ZFR: variants seen among roughly 807,000 people sequenced by gnomAD.
ZFR encodes the protein zinc finger RNA-binding protein.
A neutral mutation model predicts 130.7 loss-of-function variants in ZFR; 19 were observed. The observed-to-expected ratio is 0.15, with a 90% confidence interval of 0.10 to 0.21. ZFR has a LOEUF of 0.21. Ranked by LOEUF, ZFR falls within the 10% of genes least tolerant of loss-of-function variation. The probability of loss-of-function intolerance (pLI) is 1.00; values close to 1 mark genes in which losing one functional copy is unlikely to be tolerated. For synonymous variants in ZFR, 466 were observed against 456.9 expected, an observed-to-expected ratio of 1.02 and a Z score of -0.25; for missense variants, 872 against 1,321.5, an observed-to-expected ratio of 0.66 and a Z score of 5.27.
intron 5 of ZFR, among the ~76,000 whole-genome samples, chr5:32,413,035 A>G (rs1753744364): frequency 6.6e-6 from 1 of 152,154 alleles, no homozygotes; most frequent in South Asian, 2.1e-4. Flanking sequence ...CTAAAAATAC[A>G]AAAATTAGCC....
intron 17 of ZFR, among the ~76,000 whole-genome samples, chr5:32,372,620 G>A (rs1752698581): frequency 6.6e-6 from 1 of 152,002 alleles, no homozygotes; most frequent in Admixed American, 6.6e-5. Context: ...ATCACTTGAG[G>A]CCAAGAGCTC....
chr5:32,382,100 G>A (rs961531317), intron 15 of ZFR, among the ~76,000 whole-genome samples: 8 of 152,102 alleles, frequency 5.3e-5, no homozygotes, highest in African/African-American at 9.7e-5. Flanking sequence ...TAGGGAGTTC[G>A]AGACCAGCCC....
chr5:32,390,537 A>G, intron 11 of ZFR, 100 bp from the exon 12 acceptor site: 1 of 1,151,150 alleles, frequency 8.7e-7, no homozygotes, highest in Non-Finnish European at 1.2e-6. Context: ...CCCCACCAAC[A>G]TCAGCCTAGC....
chr5:32,427,785 T>C (rs760634511), intron 2 of ZFR, among the ~76,000 whole-genome samples: 1 of 152,084 alleles, frequency 6.6e-6, no homozygotes, highest in Non-Finnish European at 1.5e-5. Context: ...TATAGACCAA[T>C]GAAATAGAAT....
chr5:32,400,049 T>C lies in ZFR; in HGVS notation c.1671A>G (p.Leu557=), dbSNP rs1405010639. 1 of 1,613,016 alleles carries C rather than the reference T, an allele frequency of 6.2e-7. No individual in the cohort carries two copies. Among genetic ancestry groups the C allele is most frequent in the Non-Finnish European group, 8.5e-7 (1 of 1,179,432 alleles). Residue 557 remains leucine (L), a synonymous_variant, in exon 9 of 20, where the codon TTA becomes TTG. Transcript: ENST00000265069. ...EPVTPASLAA[L]QSDVQPVGHD... ...GGCCCACTGGCTGCACATCACTCTGTAAAGCAGCAAGAGATGCAGGTGTGA... is the reference window on the plus strand; with the variant it reads ...GGCCCACTGGCTGCACATCACTCTGCAAAGCAGCAAGAGATGCAGGTGTGA...
At chr5:32,415,512 G>GTGTGTGTT (rs1753802909) in intron 4 of ZFR, among the ~76,000 whole-genome samples, 3 of 94,366 alleles carry the variant, frequency 3.2e-5, no homozygotes, top group African/African-American at 1.7e-4. Flanking sequence ...GTGTGTGTGT[G>GTGTGTGTT]TGTGCGCGCG....
Position 32,415,013 on chromosome 5 carries a change from T to C in ZFR, c.740A>G (p.Tyr247Cys). Reference sequence around the variant, plus strand: ...GGTACTGTAAGTAGCACTCTGAGTATAGGATGGCACCACAGTAGCCGCAGC... The same window carrying C: ...GGTACTGTAAGTAGCACTCTGAGTACAGGATGGCACCACAGTAGCCGCAGC... ...VAAAATVVPS[Y>C]TQSATYSTTA... Residue 247 changes from tyrosine to cysteine, a missense_variant, in exon 5 of 20, where the codon TAT becomes TGT. Physicochemically the swap from Tyr to Cys is radical, Grantham distance 194 (BLOSUM62 -2). Coordinates refer to ENST00000265069, the MANE Select transcript of ZFR (RefSeq NM_016107.5). The C allele has an allele frequency of 1.2e-6, 2 of 1,614,018 alleles. No homozygotes were observed. Among genetic ancestry groups the C allele is most frequent in the Non-Finnish European group, 1.7e-6 (2 of 1,179,944 alleles).
rs541569130 is a variant in ZFR at position 32,401,603 on chromosome 5, T to A, written c.1517-1400A>T. On this transcript the variant is annotated intron_variant, in intron 8 of 19. Transcript: ENST00000265069. The stretch of plus-strand genomic sequence containing the variant: ...TGAATTACTACACAGGTAGCATGGA[T>A]GAGTTATGAGGCTGGAAAGGTAGGC... Among the ~76,000 whole-genome samples the A allele has an allele frequency of 7.2e-5, 11 of 152,200 alleles. No homozygotes were observed. In the Middle Eastern group the frequency reaches 0.01, roughly 141 times the overall value.
chr5:32,419,440 T>C (rs1270194152), intron 3 of ZFR, among the ~76,000 whole-genome samples: 1 of 152,088 alleles, frequency 6.6e-6, no homozygotes, highest in Admixed American at 6.5e-5. Flanking sequence ...TGGATTCAAG[T>C]GATTCTCGTG....
In ZFR at chr5:32,385,575, T is replaced by C; in HGVS notation, c.2574A>G (p.Glu858=). ...EAAIILNSCV[E]PKMQVTITLT... ...GTGTGATAGTGACTTGCATTTTGGG[T>C]TCCACACATGAATTCAAAATTATTG... The change falls in exon 15 of 20, where the codon GAA becomes GAG. Residue 858 remains glutamate, a synonymous_variant. Transcript: ENST00000265069. 6.2e-7 allele frequency: 1 copy of C among 1,613,522 alleles called. No individual in the cohort carries two copies. The highest frequency in any genetic ancestry group is 8.5e-7 in the Non-Finnish European group (1 of 1,179,572).
intron 5 of ZFR, among the ~76,000 whole-genome samples, chr5:32,411,709 A>AGGGAG (rs1753715025): frequency 1.4e-5 from 1 of 73,116 alleles, no homozygotes; most frequent in African/African-American, 7.1e-5. Context: ...AAAAAAATTG[A>AGGGAG]GGGGGGGCGG....
intron 2 of ZFR, among the ~76,000 whole-genome samples, chr5:32,440,342 T>C (rs546244898): frequency 5.9e-5 from 9 of 152,300 alleles, no homozygotes; most frequent in African/African-American, 2.2e-4. Context: ...CATTATTTAC[T>C]TGACTTAAAA....
chr5:32,385,301 T>C, intron 15 of ZFR, among the ~76,000 whole-genome samples: 1 of 152,060 alleles, frequency 6.6e-6, no homozygotes, highest in Non-Finnish European at 1.5e-5. Flanking sequence ...AATCATACCA[T>C]AGTGTTTTAT....
At chr5:32,440,280 A>G (rs1383861854) in intron 2 of ZFR, among the ~76,000 whole-genome samples, 2 of 152,204 alleles carry the variant, frequency 1.3e-5, no homozygotes, top group African/African-American at 4.8e-5. Context: ...TCAAATTAAC[A>G]TGCTATCAGA....
At chr5:32,413,151 T>C (rs1753747167) in intron 5 of ZFR, among the ~76,000 whole-genome samples, 1 of 151,430 alleles carries the variant, frequency 6.6e-6, no homozygotes, top group South Asian at 2.1e-4. Context: ...CTGGTACCAC[T>C]GCACTCCAGC....
At chr5:32,389,190 A>G (rs1478569744) in intron 12 of ZFR, among the ~76,000 whole-genome samples, 4 of 152,228 alleles carry the variant, frequency 2.6e-5, no homozygotes, top group African/African-American at 9.6e-5. Context: ...TATAGTCTTA[A>G]TAACACATCA....
chr5:32,411,557 T>C (rs1345306451), intron 5 of ZFR, among the ~76,000 whole-genome samples: 2 of 151,414 alleles, frequency 1.3e-5, no homozygotes. Context: ...GGTATGGTGG[T>C]ACACGCCTGT....
intron 19 of ZFR, 144 bp downstream of exon 19, chr5:32,363,804 A>G (rs1230003067): frequency 5.1e-6 from 3 of 583,200 alleles, no homozygotes; most frequent in Non-Finnish European, 8.4e-6. Flanking sequence ...AGCTATTTTA[A>G]TATCCTTTCT....
intron 2 of ZFR, among the ~76,000 whole-genome samples, chr5:32,436,284 G>T (rs1275898857): frequency 6.6e-6 from 1 of 151,004 alleles, no homozygotes; most frequent in African/African-American, 2.4e-5. Context: ...GAGTAGCTGG[G>T]ACTACAGGCG....
Sources: gnomAD v4.1 joint callset for allele counts (sites outside exome capture counted in the v4.1 genomes callset) on GRCh38, gnomAD v4.1.1 for gene constraint, MANE v1.5 for transcripts, NCBI Gene and HGNC (gene_info 2026-07-23, HGNC 2026-07-21) for gene names.